The following SRGAP3 variants were observed in gnomAD, a reference collection of about 807,000 sequenced individuals.
The protein encoded by SRGAP3 is SLIT-ROBO Rho GTPase-activating protein 3.
SRGAP3 carries 39 observed loss-of-function variants against 121.1 expected under a neutral mutation model. The observed-to-expected ratio is 0.32, with a 90% CI of 0.25 to 0.42. The LOEUF is 0.42. Among genes scored for constraint, SRGAP3 ranks in the 10% least tolerant of loss-of-function variants. The probability of loss-of-function intolerance (pLI) is 1.00; values close to 1 mark genes in which losing one functional copy is unlikely to be tolerated. For missense variants in SRGAP3, 1,213 were observed against 1,470.6 expected (o/e 0.82, Z 2.86); for synonymous variants, 601 against 570.0 (o/e 1.05, Z -0.77).
At chr3:9,353,641 A>T (rs2030320551) in intron 1 of SRGAP3, among the ~76,000 whole-genome samples, 1 of 152,362 alleles carries the variant, frequency 6.6e-6, no homozygotes, top group East Asian at 1.9e-4. Context: ...TGCTTAGAGC[A>T]CAGCCAAAGC....
chr3:9,045,318 A>G (rs1287961640), intron 10 of SRGAP3, among the ~76,000 whole-genome samples: 2 of 152,040 alleles, frequency 1.3e-5, no homozygotes, highest in Admixed American at 6.5e-5. Flanking sequence ...AGACTCTTCC[A>G]GTTGGCTTTT....
intron 1 of SRGAP3, among the ~76,000 whole-genome samples, chr3:9,357,446 T>C (rs2030579337): frequency 6.6e-6 from 1 of 152,074 alleles, no homozygotes; most frequent in Non-Finnish European, 1.5e-5. Flanking sequence ...TATTGTAGCA[T>C]GCATCTGATG....
intron 3 of SRGAP3, chr3:9,081,221 G>A (rs1947228557): frequency 6.6e-6 from 3 of 456,434 alleles, no homozygotes; most frequent in South Asian, 3.1e-5. Flanking sequence ...GCCCTCCCCA[G>A]TGCTGGTCCC....
chr3:9,181,226 T>C (rs2125120522), intron 1 of SRGAP3, among the ~76,000 whole-genome samples: 1 of 152,312 alleles, frequency 6.6e-6, no homozygotes. Context: ...GTGGCATTAT[T>C]CAAAGACTCA....
chr3:9,030,987 C>T (rs912460772), intron 12 of SRGAP3, among the ~76,000 whole-genome samples: 3 of 152,088 alleles, frequency 2.0e-5, no homozygotes, highest in Non-Finnish European at 2.9e-5. Context: ...CAGGATCTTG[C>T]TCTGTCACCG....
intron 3 of SRGAP3, among the ~76,000 whole-genome samples, chr3:9,256,315 A>G (rs896390242): frequency 6.6e-6 from 1 of 152,234 alleles, no homozygotes; most frequent in African/African-American, 2.4e-5. Flanking sequence ...CTGGAAGAAC[A>G]GAAGTAAAGA....
intron 18 of SRGAP3, among the ~76,000 whole-genome samples, chr3:8,998,938 C>A (rs577949986): frequency 6.6e-6 from 1 of 152,200 alleles, no homozygotes; most frequent in Non-Finnish European, 1.5e-5. Context: ...CATCTGAGCT[C>A]AGGTCCCAGA....
At chr3:9,073,384 A>G (rs1387279298) in intron 4 of SRGAP3, among the ~76,000 whole-genome samples, 1 of 152,230 alleles carries the variant, frequency 6.6e-6, no homozygotes, top group East Asian at 1.9e-4. Flanking sequence ...GGCTCAAGCG[A>G]TCTGCCTGAC....
chr3:9,071,319 C>T (rs1946696878), intron 4 of SRGAP3, among the ~76,000 whole-genome samples: 1 of 152,134 alleles, frequency 6.6e-6, no homozygotes, highest in Non-Finnish European at 1.5e-5. Flanking sequence ...CCACTATTCT[C>T]AGTACACGTG....
At chr3:9,341,559 G>T (rs557042914) in intron 1 of SRGAP3, among the ~76,000 whole-genome samples, 1 of 152,338 alleles carries the variant, frequency 6.6e-6, no homozygotes, top group South Asian at 2.1e-4. Flanking sequence ...CAGCAACACA[G>T]GCTGTGCTGT....
At chr3:9,271,317 G>C (rs1282001653) in intron 3 of SRGAP3, among the ~76,000 whole-genome samples, 1 of 152,216 alleles carries the variant, frequency 6.6e-6, no homozygotes, top group African/African-American at 2.4e-5. Flanking sequence ...CTGGGCAATA[G>C]AGCGAGACCC....
rs113808477 is a variant in SRGAP3, at chr3:9,220,376, G to C, written c.67+28509C>G. On this transcript the variant is annotated intron_variant, in intron 1 of 21. Transcript: ENST00000383836. Reference sequence around the variant, plus strand: ...TCATATCCAGATCATTCGAAGTCCTGCATGTAGTCCACTCACCTCCAGGAG... The same window carrying C: ...TCATATCCAGATCATTCGAAGTCCTCCATGTAGTCCACTCACCTCCAGGAG... 1.6e-3 allele frequency among the ~76,000 whole-genome samples: 237 copies of C among 152,266 alleles called. 2 individuals are homozygous for C. Among genetic ancestry groups the C allele is most frequent in the African/African-American group, 5.5e-3 (228 of 41,538 alleles).
chr3:9,286,108 T>C (rs955797217), intron 3 of SRGAP3, among the ~76,000 whole-genome samples: 49 of 120,120 alleles, frequency 4.1e-4, no homozygotes, highest in African/African-American at 1.4e-3. Flanking sequence ...CGAGACCCTA[T>C]CTCAAACACA....
At chr3:9,245,594 G>A (rs1247331479) in intron 1 of SRGAP3, among the ~76,000 whole-genome samples, 1 of 152,186 alleles carries the variant, frequency 6.6e-6, no homozygotes, top group African/African-American at 2.4e-5. Flanking sequence ...GAACCAATAA[G>A]TAGATGAGAG....
chr3:9,073,179 TGTCCCCCAGGCTGGAGTGCA>T (rs1292776872), intron 4 of SRGAP3, among the ~76,000 whole-genome samples: 1 of 152,256 alleles, frequency 6.6e-6, no homozygotes, highest in Admixed American at 6.5e-5. Flanking sequence ...GGTCTTACTC[TGTCCCCCAGGCTGGAGTGCA>T]GTGGTGCAAT....
At chr3:9,196,333 G>A (rs938867553) in intron 1 of SRGAP3, among the ~76,000 whole-genome samples, 3 of 152,214 alleles carry the variant, frequency 2.0e-5, no homozygotes, top group African/African-American at 7.2e-5. Flanking sequence ...TCTCTGGCAA[G>A]GGCAGTATGG....
intron 3 of SRGAP3, among the ~76,000 whole-genome samples, chr3:9,309,343 C>A (rs1039310763): frequency 2.0e-5 from 3 of 152,170 alleles, no homozygotes; most frequent in Admixed American, 6.6e-5. Context: ...AGCCTCTGAT[C>A]CCTATTTCCC....
intron 3 of SRGAP3, among the ~76,000 whole-genome samples, chr3:9,256,413 G>C (rs1954133628): frequency 6.6e-6 from 1 of 152,208 alleles, no homozygotes; most frequent in South Asian, 2.1e-4. Flanking sequence ...ATCTCCCACT[G>C]TAGAGGAGAC....
Position 8,985,176 on chromosome 3 carries a change from A to C in SRGAP3, c.*343T>G, listed in dbSNP as rs1259924288. On this transcript the variant is annotated 3_prime_UTR_variant, in exon 22 of 22. Transcript: ENST00000383836. The surrounding 1 kb of genome is among the most constrained non-coding windows in gnomAD (Gnocchi z 5.1). ...TGCACACATCGATATACACACACAT[A>C]TACGTATGTAGAGAGAATGTCGAGA... is the stretch of plus-strand genomic sequence containing the variant. The C allele has an allele frequency of 2.4e-6, 1 of 420,560 alleles. No homozygotes were observed. Among genetic ancestry groups the C allele is most frequent in the African/African-American group, 2.0e-5 (1 of 49,928 alleles). The allele number at this position is 420,560 out of a possible 1,614,324, so 26.1% of individuals were successfully genotyped here. A position where few individuals can be genotyped will look rare whatever the true frequency, so the allele number is the denominator to read the frequency against.
Sources: allele counts gnomAD v4.1 joint callset (sites outside exome capture counted in the v4.1 genomes callset), GRCh38; gene constraint gnomAD v4.1.1; non-coding constraint Gnocchi (gnomAD v3.1); transcripts MANE v1.5; gene names NCBI Gene and HGNC (gene_info 2026-07-23, HGNC 2026-07-21).